The following KANSL1 variants were observed in gnomAD, a reference collection of about 807,000 sequenced individuals.
KANSL1 encodes MLL1/MLL complex subunit KANSL1.
KANSL1 carries 22 observed loss-of-function variants against 103.6 expected under a neutral mutation model. That is an observed-to-expected ratio of 0.21 (90% confidence interval 0.15 to 0.30). The LOEUF is 0.30. Among genes scored for constraint, KANSL1 ranks in the 10% least tolerant of loss-of-function variants. The probability of loss-of-function intolerance (pLI) is 1.00; values close to 1 mark genes in which losing one functional copy is unlikely to be tolerated. For missense variants in KANSL1, 1,337 were observed against 1,399.8 expected (o/e 0.96, Z 0.72); for synonymous variants, 600 against 527.6 (o/e 1.14, Z -1.88).
At position 46,184,870 on chromosome 17, in the gene KANSL1, C is replaced by T. The variant is rs559695191; in HGVS notation, c.-90+7953G>A. ...TTTTTTTTTTTTTGAAACAGAGCCT[C>T]TCATTGTCACCCGGGCTGGAGTGCA... On this transcript the variant is annotated intron_variant, in intron 1 of 14. Transcript: ENST00000432791. Among the ~76,000 whole-genome samples the T allele has an allele frequency of 4.1e-5, 6 of 144,608 alleles. No individual in the cohort carries two copies. In the East Asian group the frequency reaches 6.1e-4, roughly 15 times the overall value. 94.9% of individuals were successfully genotyped at this position (144,608 alleles called of 152,430 possible).
chr17:46,053,977 A>C, intron 6 of KANSL1, among the ~76,000 whole-genome samples: 1 of 152,220 alleles, frequency 6.6e-6, no homozygotes, highest in East Asian at 1.9e-4. Context: ...CAAATTTTTA[A>C]AAATATCACA....
upstream of KANSL1, among the ~76,000 whole-genome samples, chr17:46,195,233 C>G (rs1450170461): frequency 6.6e-6 from 1 of 152,212 alleles, no homozygotes; most frequent in African/African-American, 2.4e-5. Flanking sequence ...AGGCAAAGCC[C>G]TTTGCAGCGT....
At chr17:46,036,784 ATCTCC>A (rs2077163283) in intron 10 of KANSL1, among the ~76,000 whole-genome samples, 2 of 150,536 alleles carry the variant, frequency 1.3e-5, no homozygotes, top group African/African-American at 4.9e-5. Context: ...CAATGGCTTG[ATCTCC>A]GCTCACTGGA....
At chr17:46,051,610 T>C (rs767921696) in intron 6 of KANSL1, among the ~76,000 whole-genome samples, 1 of 152,240 alleles carries the variant, frequency 6.6e-6, no homozygotes, top group Non-Finnish European at 1.5e-5. Flanking sequence ...AGTCTGGCAT[T>C]TGCCAAAGCC....
At position 46,082,551 on chromosome 17, in the gene KANSL1, T is replaced by G; in HGVS notation, c.1432-9A>C. 2.7e-6 allele frequency: 4 copies of G among 1,507,544 alleles called. No homozygotes were observed. The highest frequency in any genetic ancestry group is 3.7e-6 in the Non-Finnish European group (4 of 1,090,666). 93.4% of individuals were successfully genotyped at this position (1,507,544 alleles called of 1,614,324 possible). ...CCAAGAACTATCAACCCCTGCAGGATAGAGAGGAGAAAAATAGCATAAGTG... is the reference window on the plus strand; with the variant it reads ...CCAAGAACTATCAACCCCTGCAGGAGAGAGAGGAGAAAAATAGCATAAGTG... On this transcript the variant is annotated splice_polypyrimidine_tract_variant and intron_variant, in intron 3 of 14. Coordinates refer to ENST00000432791, the MANE Select transcript of KANSL1 (RefSeq NM_015443.4).
intron 1 of KANSL1, among the ~76,000 whole-genome samples, chr17:46,182,680 T>G (rs1256654089): frequency 2.0e-5 from 3 of 152,258 alleles, no homozygotes; most frequent in African/African-American, 7.2e-5. Flanking sequence ...TTACATATAT[T>G]CTCTTAATCT....
chr17:46,146,714 T>C lies in KANSL1; in HGVS notation c.1289+24141A>G, dbSNP rs1181775670. Among the ~76,000 whole-genome samples the C allele has an allele frequency of 4.2e-5, 6 of 142,264 alleles. 1 individual carries two copies. Among genetic ancestry groups the C allele is most frequent in the Admixed American group, 2.9e-4 (4 of 13,700 alleles). 93.3% of individuals were successfully genotyped at this position (142,264 alleles called of 152,430 possible). Reference sequence around the variant, plus strand: ...CGGGCGTAGTGGCGGGCGCCTGTAGTCCCAGCTACTTGGGAGGCTGAGGCA... The same window carrying C: ...CGGGCGTAGTGGCGGGCGCCTGTAGCCCCAGCTACTTGGGAGGCTGAGGCA... On this transcript the variant is annotated intron_variant, in intron 2 of 14. Coordinates refer to ENST00000432791, the MANE Select transcript of KANSL1 (RefSeq NM_015443.4).
At chr17:46,147,859 T>C (rs1194349814) in intron 2 of KANSL1, among the ~76,000 whole-genome samples, 4 of 152,208 alleles carry the variant, frequency 2.6e-5, no homozygotes, top group Admixed American at 6.5e-5. Flanking sequence ...GGCAAAACCC[T>C]TGAAAGGCTT....
chr17:46,122,826 ACC>A (rs2043341867), intron 2 of KANSL1, among the ~76,000 whole-genome samples: 1 of 151,718 alleles, frequency 6.6e-6, no homozygotes, highest in Non-Finnish European at 1.5e-5. Flanking sequence ...CACGAACCGC[ACC>A]CATAAAAGAT....
At chr17:46,123,537 C>A (rs2043379055) in intron 2 of KANSL1, among the ~76,000 whole-genome samples, 1 of 152,200 alleles carries the variant, frequency 6.6e-6, no homozygotes, top group South Asian at 2.1e-4. Flanking sequence ...AGTGCTACTC[C>A]AGTGAACACA....
intron 2 of KANSL1, among the ~76,000 whole-genome samples, chr17:46,100,444 C>CA (rs369274727): frequency 0.038 from 3,387 of 88,032 alleles, 70 homozygotes; most frequent in Middle Eastern, 0.099. Context: ...TCCCTCTCCC[C>CA]AAAAAAAAAA....
chr17:46,106,813 A>T (rs1191204575), intron 2 of KANSL1, among the ~76,000 whole-genome samples: 1 of 152,252 alleles, frequency 6.6e-6, no homozygotes. Context: ...TCTTAAAAAT[A>T]AATGTGGTAA....
chr17:46,079,081 T>C (rs2078892832), intron 4 of KANSL1, among the ~76,000 whole-genome samples: 1 of 152,178 alleles, frequency 6.6e-6, no homozygotes, highest in African/African-American at 2.4e-5. Flanking sequence ...GGTCTTCCCT[T>C]TCTCTAACCC....
At chr17:46,091,204 A>T (rs1484930984) in intron 3 of KANSL1, among the ~76,000 whole-genome samples, 1 of 152,222 alleles carries the variant, frequency 6.6e-6, no homozygotes, top group Non-Finnish European at 1.5e-5. Flanking sequence ...GTTTTTAGCA[A>T]AACAGTTTAA....
intron 6 of KANSL1, among the ~76,000 whole-genome samples, chr17:46,054,494 C>T (rs533090178): frequency 6.6e-6 from 1 of 152,318 alleles, no homozygotes; most frequent in South Asian, 2.1e-4. Flanking sequence ...TTCTTACTTC[C>T]AAATCAATCA....
At chr17:46,183,977 A>G (rs1025793293) in intron 1 of KANSL1, among the ~76,000 whole-genome samples, 2 of 152,216 alleles carry the variant, frequency 1.3e-5, no homozygotes, top group African/African-American at 2.4e-5. Flanking sequence ...CAAGCATCCC[A>G]TATTCAAAAC....
rs1008771407 is a variant in KANSL1, at chr17:46,073,631, ATTAACAATGCGGGGTGGGGAAAACAGGG to A, written c.1534-5992_1534-5965del. Among the ~76,000 whole-genome samples the A allele has an allele frequency of 8.4e-4, 128 of 152,284 alleles. 1 individual carries two copies. The highest frequency in any genetic ancestry group is 3.0e-3 in the African/African-American group (123 of 41,556). ...TAATGTTTCCCATACAAAAATAAAA[ATTAACAATGCGGGGTGGGGAAAACAGGG>A]AAGGCTAGAATTGAATACTGTAGTA... On this transcript the variant is annotated intron_variant, in intron 4 of 14. Coordinates refer to ENST00000432791, the MANE Select transcript of KANSL1 (RefSeq NM_015443.4).
At chr17:46,165,822 T>C (rs1222715430) in intron 2 of KANSL1, among the ~76,000 whole-genome samples, 1 of 151,746 alleles carries the variant, frequency 6.6e-6, no homozygotes, top group Non-Finnish European at 1.5e-5. Flanking sequence ...AAAGCAACAA[T>C]ATAGAACATT....
In KANSL1 at chr17:46,171,697, C is replaced by T. The variant is rs1172550029; in HGVS notation, c.447G>A (p.Leu149=). 1 of 1,555,584 alleles carries T rather than the reference C, an allele frequency of 6.4e-7. No individual in the cohort carries two copies. Residue 149 remains leucine (L), a synonymous_variant, in exon 2 of 15, where the codon CTG becomes CTA. Coordinates refer to ENST00000432791, the MANE Select transcript of KANSL1 (RefSeq NM_015443.4). The stretch of plus-strand genomic sequence containing the variant: ...CCAACCCATTTACAGGTGCTTGTGG[C>T]AGAGCTGTCTGACCACTCGTATTCA... ...RTMNTSGQTA[L]PQAPVNGLAK... is the part of the protein sequence containing the mutation.
Sources: gnomAD v4.1 joint callset for allele counts (sites outside exome capture counted in the v4.1 genomes callset) on GRCh38, gnomAD v4.1.1 for gene constraint, MANE v1.5 for transcripts, NCBI Gene and HGNC (gene_info 2026-07-23, HGNC 2026-07-21) for gene names.